BMPER: variants seen among roughly 807,000 people sequenced by gnomAD.
BMPER encodes BMP-binding endothelial regulator protein.
Under a neutral mutation model 87.3 loss-of-function variants are expected in BMPER, and 45 were observed. The observed-to-expected ratio is 0.52, with a 90% CI of 0.41 to 0.66. The LOEUF (loss-of-function observed/expected upper bound fraction) is 0.66. Ranked by LOEUF, BMPER falls within the 30% of genes least tolerant of loss-of-function variation. The probability of loss-of-function intolerance (pLI) is 0.00; values close to 1 mark genes in which losing one functional copy is unlikely to be tolerated. For synonymous variants in BMPER, 326 were observed against 316.2 expected, an observed-to-expected ratio of 1.03 and a Z score of -0.33; for missense variants, 784 against 867.5, an observed-to-expected ratio of 0.90 and a Z score of 1.21.
intron 3 of BMPER, among the ~76,000 whole-genome samples, chr7:33,957,379 T>G (rs2128615126): frequency 6.6e-6 from 1 of 150,636 alleles, no homozygotes; most frequent in East Asian, 1.9e-4. Context: ...AGATGATCCC[T>G]TTAATATTCT....
chr7:34,142,978 A>G (rs766334691), intron 13 of BMPER, among the ~76,000 whole-genome samples: 3 of 152,244 alleles, frequency 2.0e-5, no homozygotes, highest in Non-Finnish European at 4.4e-5. Context: ...ATGTTAGAAC[A>G]TGTCTATCCT....
At chr7:34,138,430 A>G (rs1159166955) in intron 13 of BMPER, among the ~76,000 whole-genome samples, 2 of 152,196 alleles carry the variant, frequency 1.3e-5, no homozygotes, top group Non-Finnish European at 2.9e-5. Context: ...TGTGTGACAA[A>G]GCGCTGCCCA....
chr7:33,909,484 C>A (rs928389561), intron 2 of BMPER, among the ~76,000 whole-genome samples: 2 of 151,988 alleles, frequency 1.3e-5, no homozygotes, highest in African/African-American at 4.8e-5. Context: ...AGGAAAATCT[C>A]GTTATGATTT....
chr7:34,010,386 A>G (rs780301211), intron 6 of BMPER, among the ~76,000 whole-genome samples: 4 of 152,016 alleles, frequency 2.6e-5, no homozygotes, highest in Admixed American at 1.3e-4. Context: ...TTAGTTATAC[A>G]TACATATTTA....
At chr7:33,925,272 A>G (rs1784332513) in intron 2 of BMPER, among the ~76,000 whole-genome samples, 1 of 152,238 alleles carries the variant, frequency 6.6e-6, no homozygotes, top group Admixed American at 6.5e-5. Context: ...CTTCCCCAAA[A>G]TAAATGATGA....
At chr7:33,975,978 ATC>A (rs1413963467) in intron 6 of BMPER, among the ~76,000 whole-genome samples, 1 of 152,018 alleles carries the variant, frequency 6.6e-6, no homozygotes, top group African/African-American at 2.4e-5. Flanking sequence ...ATATATGTAT[ATC>A]TCTATATATC....
At chr7:34,046,826 A>G (rs2127957988) in intron 7 of BMPER, among the ~76,000 whole-genome samples, 1 of 152,244 alleles carries the variant, frequency 6.6e-6, no homozygotes, top group Non-Finnish European at 1.5e-5. Flanking sequence ...AGAAAATGAG[A>G]GTTTTGGAAG....
intron 6 of BMPER, among the ~76,000 whole-genome samples, chr7:34,025,575 G>A (rs770544189): frequency 1.3e-5 from 2 of 151,998 alleles, no homozygotes; most frequent in Non-Finnish European, 2.9e-5. Flanking sequence ...GTGATTTAGG[G>A]GCAAAGAGAG....
chr7:34,000,312 G>A (rs994465787), intron 6 of BMPER, among the ~76,000 whole-genome samples: 9 of 151,972 alleles, frequency 5.9e-5, no homozygotes, highest in Non-Finnish European at 8.8e-5. Context: ...AATTTGGACG[G>A]TGTTTTTAGA....
chr7:33,985,712 G>A (rs1212037193), intron 6 of BMPER, among the ~76,000 whole-genome samples: 1 of 150,124 alleles, frequency 6.7e-6, no homozygotes, highest in Non-Finnish European at 1.5e-5. Context: ...TTTTCCATAT[G>A]TTTATCAGCC....
intron 11 of BMPER, among the ~76,000 whole-genome samples, chr7:34,078,028 G>A (rs1177383688): frequency 6.6e-6 from 1 of 151,752 alleles, no homozygotes; most frequent in Non-Finnish European, 1.5e-5. Context: ...ACAAACCAAC[G>A]CCAAGATTTG....
chr7:33,924,025 G>T (rs1316096976), intron 2 of BMPER, among the ~76,000 whole-genome samples: 2 of 152,074 alleles, frequency 1.3e-5, no homozygotes, highest in Non-Finnish European at 2.9e-5. Context: ...TGTCTACCTG[G>T]TGTCTCCACG....
At chr7:34,049,311 C>G (rs971750936) in intron 7 of BMPER, among the ~76,000 whole-genome samples, 2 of 152,126 alleles carry the variant, frequency 1.3e-5, no homozygotes, top group African/African-American at 4.8e-5. Flanking sequence ...GCTCCAAGAG[C>G]TTTATATTCA....
intron 2 of BMPER, among the ~76,000 whole-genome samples, chr7:33,923,239 A>G (rs1178046435): frequency 2.0e-5 from 3 of 152,188 alleles, no homozygotes; most frequent in Non-Finnish European, 4.4e-5. Flanking sequence ...ACTCAGTATA[A>G]CAGAGAAGAA....
At chr7:34,079,720 G>A (rs1788963327) in intron 12 of BMPER, among the ~76,000 whole-genome samples, 1 of 152,146 alleles carries the variant, frequency 6.6e-6, no homozygotes, top group South Asian at 2.1e-4. Flanking sequence ...CAGCAGAAGG[G>A]CTTGTTCTTG....
At chr7:34,131,101 G>T (rs1395861903) in intron 13 of BMPER, among the ~76,000 whole-genome samples, 1 of 152,170 alleles carries the variant, frequency 6.6e-6, no homozygotes, top group Non-Finnish European at 1.5e-5. Context: ...CTAGCAGAGG[G>T]TGTGGGGAAG....
chr7:34,074,546 C>A (rs946079434), intron 11 of BMPER, among the ~76,000 whole-genome samples: 1 of 152,202 alleles, frequency 6.6e-6, no homozygotes, highest in Non-Finnish European at 1.5e-5. Context: ...ATTCCTGGAG[C>A]CCCTGCATGA....
At chr7:34,075,516 A>G (rs1335019621) in intron 11 of BMPER, among the ~76,000 whole-genome samples, 1 of 152,228 alleles carries the variant, frequency 6.6e-6, no homozygotes, top group African/African-American at 2.4e-5. Flanking sequence ...AACAAAGATG[A>G]GATCTAATGA....
intron 7 of BMPER, among the ~76,000 whole-genome samples, chr7:34,050,603 A>ACAGAAATT (rs1306833267): frequency 3.3e-5 from 5 of 152,190 alleles, no homozygotes; most frequent in African/African-American, 4.8e-5. Context: ...CTACTGATAA[A>ACAGAAATT]CAGAAATTGC....
Sources: gnomAD v4.1 joint callset for allele counts (sites outside exome capture counted in the v4.1 genomes callset) on GRCh38, gnomAD v4.1.1 for gene constraint, MANE v1.5 for transcripts, NCBI Gene and HGNC (gene_info 2026-07-23, HGNC 2026-07-21) for gene names.